The following PDZD9 variants were observed in gnomAD, a reference collection of about 807,000 sequenced individuals.
The protein encoded by PDZD9 is PDZ domain-containing protein 9.
PDZD9 carries 13 observed loss-of-function variants against 16.3 expected under a neutral mutation model. The observed-to-expected ratio is 0.80, with a 90% CI of 0.52 to 1.27. The LOEUF is 1.27. PDZD9 is among the 50% of genes most tolerant of loss of function. The pLI, the probability that PDZD9 is intolerant of heterozygous loss-of-function variation, is 0.00. For missense variants in PDZD9, 288 were observed against 310.9 expected, an observed-to-expected ratio of 0.93 and a Z score of 0.55; for synonymous variants, 120 against 111.0, an observed-to-expected ratio of 1.08 and a Z score of -0.51.
the PDZD9 span, among the ~76,000 whole-genome samples, chr16:21,964,472 G>A: frequency 3.9e-5 from 6 of 152,094 alleles, no homozygotes; most frequent in Non-Finnish European, 8.8e-5. Context: ...ATGGCCTTGC[G>A]TGATCTTACC....
At chr16:21,968,769 A>T in the PDZD9 span, 2 of 1,283,270 alleles carry the variant, frequency 1.6e-6, no homozygotes, top group Non-Finnish European at 2.1e-6. Context: ...ATAGGATTGA[A>T]CAAAATTTGA....
At chr16:21,957,613 T>G in the PDZD9 span, 1 of 1,588,210 alleles carries the variant, frequency 6.3e-7, no homozygotes, top group Non-Finnish European at 8.5e-7. Flanking sequence ...TGTGGTATCT[T>G]GGTCCTGTGA....
At chr16:21,959,583 G>A in the PDZD9 span, 18 of 152,864 alleles carry the variant, frequency 1.2e-4, no homozygotes, top group Non-Finnish European at 1.8e-4. Context: ...CCAAACTCAC[G>A]TTAATGTTGA....
At position 21,984,610 on chromosome 16, in the gene PDZD9, T is replaced by C; in HGVS notation, c.452A>G (p.Asp151Gly). The change falls in exon 4 of 4, where the codon GAT becomes GGT. Residue 151 changes from aspartate (D) to glycine (G), a missense_variant. By Grantham distance (94) the Asp-to-Gly change is moderately conservative (BLOSUM62 -1). Coordinates refer to ENST00000424898, the MANE Select transcript of PDZD9 (RefSeq NM_001363519.1). ...ATCTAAATCTACATTTTCATTATCA[T>C]CACTGCTTGTGAAAGATTCATCTTT... ...LAKDESFTSSDDNENVDLDKR... is the reference protein window; with the variant it reads ...LAKDESFTSSGDNENVDLDKR... The C allele has an allele frequency of 2.6e-6, 4 of 1,539,754 alleles. No homozygotes were observed. The highest frequency in any genetic ancestry group is 3.5e-6 in the Non-Finnish European group (4 of 1,141,346).
the PDZD9 span, chr16:21,957,612 T>C: frequency 4.0e-5 from 64 of 1,588,756 alleles, no homozygotes; most frequent in Non-Finnish European, 5.5e-5. Flanking sequence ...CTGTGGTATC[T>C]TGGTCCTGTG....
the PDZD9 span, among the ~76,000 whole-genome samples, chr16:21,965,181 T>C: frequency 1.3e-5 from 2 of 152,216 alleles, no homozygotes; most frequent in Non-Finnish European, 2.9e-5. Flanking sequence ...TGGACTCCAG[T>C]ATATAGAAGC....
chr16:21,999,849 C>T (rs1899246958), intron 1 of PDZD9, among the ~76,000 whole-genome samples: 1 of 152,108 alleles, frequency 6.6e-6, no homozygotes, highest in Non-Finnish European at 1.5e-5. Flanking sequence ...CCAGCCTGGC[C>T]AGCATGGTGA....
chr16:21,964,243 A>C, the PDZD9 span, among the ~76,000 whole-genome samples: 1 of 152,254 alleles, frequency 6.6e-6, no homozygotes, highest in Admixed American at 6.5e-5. Flanking sequence ...AGAAAAGATG[A>C]CCTATGTGTC....
intron 2 of PDZD9, among the ~76,000 whole-genome samples, chr16:21,993,014 C>T (rs1266675149): frequency 6.6e-6 from 1 of 152,106 alleles, no homozygotes; most frequent in African/African-American, 2.4e-5. Context: ...CCTCCTGCCG[C>T]CTTGTGAAGA....
chr16:21,977,345 C>A, the PDZD9 span, among the ~76,000 whole-genome samples: 1 of 151,722 alleles, frequency 6.6e-6, no homozygotes, highest in East Asian at 1.9e-4. Flanking sequence ...CAGAGCAAGA[C>A]CCTGTCTCTT....
the PDZD9 span, chr16:21,972,237 A>G: frequency 7.6e-7 from 1 of 1,323,836 alleles, no homozygotes; most frequent in Non-Finnish European, 1.0e-6. Flanking sequence ...ATCTTTGTAC[A>G]ATTGAAGAGA....
At chr16:21,962,414 A>C in the PDZD9 span, 1 of 1,606,768 alleles carries the variant, frequency 6.2e-7, no homozygotes, top group Non-Finnish European at 8.5e-7. Flanking sequence ...GGGAAAGCTT[A>C]CTATCCTGAT....
At chr16:21,962,409 A>C in the PDZD9 span, 1 of 1,603,554 alleles carries the variant, frequency 6.2e-7, no homozygotes, top group Non-Finnish European at 8.5e-7. Context: ...TATAAGGGAA[A>C]GCTTACTATC....
chr16:21,999,222 C>A (rs560171257), intron 1 of PDZD9: 147 of 197,830 alleles, frequency 7.4e-4, no homozygotes, highest in Non-Finnish European at 1.4e-3. Context: ...AGACATGAAA[C>A]CTGAGGAAAG....
the PDZD9 span, chr16:21,972,125 G>A: frequency 6.2e-7 from 1 of 1,611,876 alleles, no homozygotes; most frequent in Non-Finnish European, 8.5e-7. Context: ...CATTTGATGT[G>A]AGTCTGAACA....
intron 2 of PDZD9, among the ~76,000 whole-genome samples, chr16:21,990,023 C>A (rs1213000845): frequency 6.6e-6 from 1 of 152,200 alleles, no homozygotes; most frequent in African/African-American, 2.4e-5. Context: ...GGGGTAGTTA[C>A]ACACAGCTCT....
At chr16:21,994,730 G>A (rs1433372572) in intron 2 of PDZD9, among the ~76,000 whole-genome samples, 1 of 152,204 alleles carries the variant, frequency 6.6e-6, no homozygotes, top group Non-Finnish European at 1.5e-5. Flanking sequence ...CGCACTGAGA[G>A]CCATAGCTCT....
Position 21,996,389 on chromosome 16 carries a change from T to G in PDZD9, c.144A>C (p.Gly48=), listed in dbSNP as rs1426012826. 6.5e-7 allele frequency: 1 copy of G among 1,535,938 alleles called. No individual in the cohort carries two copies. Among genetic ancestry groups the G allele is most frequent in the East Asian group, 2.4e-5 (1 of 40,914 alleles). ...LGLGLIIIQH[G]PYLQITHLIR... is the part of the protein sequence containing the mutation. ...TGAGGTGGGTGATCTGGAGGTAGGG[T>G]CCATGCTGGATGATGATGAGGCCTA... Residue 48 remains glycine (G), a synonymous_variant, in exon 2 of 4, where the codon GGA becomes GGC. Coordinates refer to ENST00000424898, the MANE Select transcript of PDZD9 (RefSeq NM_001363519.1).
At chr16:21,978,474 T>TA in the PDZD9 span, among the ~76,000 whole-genome samples, 5 of 152,194 alleles carry the variant, frequency 3.3e-5, no homozygotes, top group Non-Finnish European at 7.3e-5. Context: ...TTTGTGCCCA[T>TA]ATTTAAGCTG....
Sources: gnomAD v4.1 joint callset for allele counts (sites outside exome capture counted in the v4.1 genomes callset) on GRCh38, gnomAD v4.1.1 for gene constraint, MANE v1.5 for transcripts, NCBI Gene and HGNC (gene_info 2026-07-23, HGNC 2026-07-21) for gene names.